The following PTGES3 variants were observed in gnomAD, a reference collection of about 807,000 sequenced individuals.
PTGES3 encodes the protein prostaglandin E synthase 3.
Under a neutral mutation model 29.9 loss-of-function variants are expected in PTGES3, and 5 were observed. The observed-to-expected ratio is 0.17, with a 90% CI of 0.09 to 0.35. The LOEUF (loss-of-function observed/expected upper bound fraction) is 0.35, where lower values mean the gene tolerates loss of function less well. Among genes scored for constraint, PTGES3 ranks in the 10% least tolerant of loss-of-function variants. The pLI, the probability that PTGES3 is intolerant of heterozygous loss-of-function variation, is 1.00. For missense variants in PTGES3, 128 were observed against 190.0 expected (o/e 0.67, Z 1.92); for synonymous variants, 49 against 57.8 (o/e 0.85, Z 0.69).
intron 1 of PTGES3, among the ~76,000 whole-genome samples, chr12:56,681,430 C>A (rs1440853601): frequency 1.4e-5 from 2 of 140,902 alleles, no homozygotes; most frequent in Non-Finnish European, 3.0e-5. Context: ...CCCAGCTACT[C>A]GGGAGGCTGA....
At chr12:56,687,899 C>T in intron 1 of PTGES3, 99 bp downstream of exon 1, 1 of 1,595,396 alleles carries the variant, frequency 6.3e-7, no homozygotes, top group South Asian at 1.1e-5. Flanking sequence ...ACGACTGCCA[C>T]CACCGATGCG....
intron 1 of PTGES3, among the ~76,000 whole-genome samples, chr12:56,675,317 AG>A (rs1278197869): frequency 6.6e-6 from 1 of 151,926 alleles, no homozygotes; most frequent in African/African-American, 2.4e-5. Context: ...AAAAAGAAAA[AG>A]AAAAAGAAAA....
At chr12:56,667,849 T>C (rs1385685126) in intron 5 of PTGES3, among the ~76,000 whole-genome samples, 1 of 152,230 alleles carries the variant, frequency 6.6e-6, no homozygotes, top group Non-Finnish European at 1.5e-5. Context: ...GACTCATGCC[T>C]GTAATCCCAG....
intron 1 of PTGES3, among the ~76,000 whole-genome samples, chr12:56,687,073 G>T (rs919768691): frequency 7.2e-6 from 1 of 139,806 alleles, no homozygotes; most frequent in Non-Finnish European, 1.5e-5. Context: ...GCAGTGCCAA[G>T]AATTCTTACC....
At chr12:56,686,880 CATAA>C (rs1952888979) in intron 1 of PTGES3, 1 of 397,168 alleles carries the variant, frequency 2.5e-6, no homozygotes, top group East Asian at 3.6e-5. Flanking sequence ...TTTCCAAAGA[CATAA>C]AGTCACTCCC....
At chr12:56,687,902 C>A in intron 1 of PTGES3, 96 bp downstream of exon 1, 1 of 1,596,736 alleles carries the variant, frequency 6.3e-7, no homozygotes, top group Non-Finnish European at 8.5e-7. Context: ...ACTGCCACCA[C>A]CGATGCGAGA....
intron 1 of PTGES3, among the ~76,000 whole-genome samples, chr12:56,677,451 T>A (rs760388117): frequency 3.3e-5 from 5 of 152,108 alleles, no homozygotes; most frequent in Non-Finnish European, 7.3e-5. Flanking sequence ...GTTGCTTTGA[T>A]GACATAGCTG....
intron 1 of PTGES3, among the ~76,000 whole-genome samples, chr12:56,681,005 C>G (rs921109813): frequency 6.6e-6 from 1 of 151,994 alleles, no homozygotes; most frequent in Non-Finnish European, 1.5e-5. Context: ...CTTCTGAACT[C>G]AGGTGATGCA....
At chr12:56,687,877 C>A in intron 1 of PTGES3, 121 bp downstream of exon 1, 1 of 1,569,548 alleles carries the variant, frequency 6.4e-7, no homozygotes, top group Non-Finnish European at 8.6e-7. Context: ...GACCTCCCGC[C>A]CCCAGGCAGG....
chr12:56,670,266 G>A lies in PTGES3; in HGVS notation c.375+9C>T, dbSNP rs762780421. ...TCGAATGGGGAGAGGTCCATTTAAA[G>A]GAACTTACCTCAGAGAAACGATCAA... On this transcript the variant is annotated intron_variant, in intron 5 of 7. Coordinates refer to ENST00000262033, the MANE Select transcript of PTGES3 (RefSeq NM_006601.7). 1 of 1,592,478 alleles carries A rather than the reference G, an allele frequency of 6.3e-7. No homozygotes were observed. Among genetic ancestry groups the A allele is most frequent in the Non-Finnish European group, 8.6e-7 (1 of 1,161,090 alleles).
chr12:56,664,857 C>T (rs768939994), intron 6 of PTGES3, 57 bp from the exon 7 acceptor site: 1 of 1,579,620 alleles, frequency 6.3e-7, no homozygotes, highest in Non-Finnish European at 8.6e-7. Flanking sequence ...GCTAACTGAA[C>T]AGTTTACCTA....
chr12:56,671,529 C>T (rs2137619404), intron 4 of PTGES3, among the ~76,000 whole-genome samples: 1 of 152,246 alleles, frequency 6.6e-6, no homozygotes, highest in South Asian at 2.1e-4. Flanking sequence ...GTAATTTATG[C>T]AAAGTCTGTC....
intron 1 of PTGES3, among the ~76,000 whole-genome samples, chr12:56,673,789 CAAAAAAAAA>C (rs57371154): frequency 4.3e-5 from 4 of 92,342 alleles, no homozygotes. Flanking sequence ...GAGACTGTCT[CAAAAAAAAA>C]AAAAAAAAAA....
At chr12:56,686,236 A>G (rs1952842453) in intron 1 of PTGES3, among the ~76,000 whole-genome samples, 2 of 152,214 alleles carry the variant, frequency 1.3e-5, no homozygotes, top group South Asian at 4.1e-4. Context: ...TATTATTAAA[A>G]GCTGCTTAAT....
chr12:56,666,061 C>T (rs1951773442), intron 6 of PTGES3, 143 bp downstream of exon 6: 11 of 1,399,298 alleles, frequency 7.9e-6, no homozygotes, highest in Non-Finnish European at 1.0e-5. Context: ...AAAATGGGCA[C>T]ATTTTAAAAA....
chr12:56,672,274 C>A (rs889700459), intron 3 of PTGES3, among the ~76,000 whole-genome samples: 1 of 152,106 alleles, frequency 6.6e-6, no homozygotes, highest in African/African-American at 2.4e-5. Context: ...GAGGCCGAGG[C>A]AGGTGGAACA....
intron 1 of PTGES3, among the ~76,000 whole-genome samples, chr12:56,678,665 AAATT>A (rs1471193067): frequency 6.6e-6 from 1 of 152,154 alleles, no homozygotes; most frequent in Non-Finnish European, 1.5e-5. Flanking sequence ...TAACATATTA[AAATT>A]ATGGTATTTA....
intron 1 of PTGES3, among the ~76,000 whole-genome samples, chr12:56,683,961 AAAAAAAAAAAC>A (rs1004823918): frequency 6.2e-5 from 9 of 145,934 alleles, no homozygotes; most frequent in Non-Finnish European, 9.3e-5. Flanking sequence ...CCGTCTCAAA[AAAAAAAAAAAC>A]AAAAAAAACA....
chr12:56,673,256 G>T (rs1276383484), intron 1 of PTGES3, among the ~76,000 whole-genome samples, 191 bp from the exon 2 acceptor site: 3 of 152,094 alleles, frequency 2.0e-5, no homozygotes, highest in Non-Finnish European at 2.9e-5. Flanking sequence ...GTTTCAGAAT[G>T]ATTCCAATTT....
Sources: gnomAD v4.1 joint callset for allele counts (sites outside exome capture counted in the v4.1 genomes callset) on GRCh38, gnomAD v4.1.1 for gene constraint, MANE v1.5 for transcripts, NCBI Gene and HGNC (gene_info 2026-07-23, HGNC 2026-07-21) for gene names.